Variants in CRAMP1 observed in about 807,000 individuals in gnomAD.
CRAMP1 encodes the protein cramped chromatin regulator 1.
A neutral mutation model predicts 115.4 loss-of-function variants in CRAMP1; 50 were observed. The ratio of observed to expected loss-of-function variants is 0.43; its 90% CI spans 0.35 to 0.55. The LOEUF is 0.55. CRAMP1 is among the 20% of genes least tolerant of loss of function. CRAMP1 has a pLI of 0.01. For missense variants in CRAMP1, 1,679 were observed against 1,721.7 expected (o/e 0.98, Z 0.44); for synonymous variants, 866 against 745.4 (o/e 1.16, Z -2.64).
In CRAMP1 at chr16:1,668,118, G is replaced by A. The variant is rs1188362873; in HGVS notation, c.3259G>A (p.Ala1087Thr). The A allele has an allele frequency of 4.3e-6, 7 of 1,613,538 alleles. No homozygotes were observed. The highest frequency in any genetic ancestry group is 5.1e-6 in the Non-Finnish European group (6 of 1,179,898). The change falls in exon 18 of 21, where the codon GCG becomes ACG. Residue 1087 changes from alanine (A) to threonine (T), a missense_variant. By Grantham distance (58) the Ala-to-Thr change is moderately conservative (BLOSUM62 0). Transcript: ENST00000397412. Reference sequence around the variant, plus strand: ...CTCCCTGCCCGGCCCACCTGAGGATGCGCTGTCACAGGGCGAGCCTGCCAC... The same window carrying A: ...CTCCCTGCCCGGCCCACCTGAGGATACGCTGTCACAGGGCGAGCCTGCCAC... ...DISLPGPPED[A>T]LSQGEPATHI...
intron 13 of CRAMP1, among the ~76,000 whole-genome samples, chr16:1,663,242 C>T (rs572397113): frequency 6.6e-6 from 1 of 152,188 alleles, no homozygotes; most frequent in South Asian, 2.1e-4. Context: ...GCCTGGGGGA[C>T]AGCCAGGGAC....
intron 2 of CRAMP1, among the ~76,000 whole-genome samples, chr16:1,618,388 C>G (rs925976326): frequency 1.6e-4 from 25 of 152,164 alleles, no homozygotes; most frequent in African/African-American, 5.6e-4. Flanking sequence ...TTCAAGATTA[C>G]AGGACTGCAG....
intron 19 of CRAMP1, 139 bp from the exon 20 acceptor site, chr16:1,670,525 G>A: frequency 1.2e-6 from 1 of 843,516 alleles, no homozygotes; most frequent in Non-Finnish European, 1.9e-6. Flanking sequence ...TCCCTCGGAA[G>A]CTCTTCGCAC....
intron 2 of CRAMP1, among the ~76,000 whole-genome samples, chr16:1,621,510 G>T (rs1478121569): frequency 1.3e-5 from 2 of 152,222 alleles, no homozygotes; most frequent in Non-Finnish European, 2.9e-5. Flanking sequence ...CTGTGGCGCT[G>T]ACACGGGCTA....
intron 2 of CRAMP1, among the ~76,000 whole-genome samples, chr16:1,618,573 G>A (rs796278590): frequency 7.2e-5 from 11 of 152,312 alleles, no homozygotes; most frequent in African/African-American, 2.6e-4. Context: ...TTCCATCAAG[G>A]ATGGGGAAAT....
At position 1,652,568 on chromosome 16, in the gene CRAMP1, G is replaced by T. The variant is rs370501732; in HGVS notation, c.900G>T (p.Leu300=). 46 of 1,552,664 alleles carry T rather than the reference G, an allele frequency of 3.0e-5. No homozygotes were observed. The highest frequency in any genetic ancestry group is 3.7e-5 in the Non-Finnish European group (43 of 1,147,514). Residue 300 remains leucine (L), a synonymous_variant, in exon 7 of 21, where the codon CTG becomes CTT. Transcript: ENST00000397412. The stretch of plus-strand genomic sequence containing the variant: ...CCATGTGCCGGGCCCTGAAGAAGCT[G>T]TGCGATCCAGATGGTAAGTGAATGG... ...KAPMCRALKK[L]CDPDGLSDEE...
rs747693903 is a variant in CRAMP1, at chr16:1,668,128, A to G, written c.3269A>G (p.Gln1090Arg). The change falls in exon 18 of 21, where the codon CAG (glutamine) becomes CGG (arginine). Residue 1090 changes from glutamine to arginine, a missense_variant. Physicochemically the swap from Gln to Arg is conservative, Grantham distance 43. Around this residue, in one of 8 missense-constraint regions of CRAMP1, gnomAD observed 709 missense variants for 741.9 expected, o/e 0.96. Coordinates refer to ENST00000397412, the MANE Select transcript of CRAMP1 (RefSeq NM_020825.4). ...GGCCCACCTGAGGATGCGCTGTCAC[A>G]GGGCGAGCCTGCCACACACATTAGC... ...LPGPPEDALSQGEPATHISDS... is the reference protein window; with the variant it reads ...LPGPPEDALSRGEPATHISDS... 16 of 1,612,752 alleles carry G rather than the reference A, an allele frequency of 9.9e-6. No homozygotes were observed. Among genetic ancestry groups the G allele is most frequent in the African/African-American group, 1.3e-5 (1 of 74,858 alleles).
intron 3 of CRAMP1, among the ~76,000 whole-genome samples, chr16:1,630,691 A>G (rs2036542385): frequency 6.6e-6 from 1 of 152,168 alleles, no homozygotes; most frequent in Non-Finnish European, 1.5e-5. Context: ...AGTCTCTTGT[A>G]ACCTGGGACA....
intron 5 of CRAMP1, among the ~76,000 whole-genome samples, chr16:1,638,583 C>A (rs577067285): frequency 6.6e-6 from 1 of 152,214 alleles, no homozygotes; most frequent in Non-Finnish European, 1.5e-5. Flanking sequence ...ACTTACCAGG[C>A]GCTTGTGCCC....
chr16:1,658,683 T>A (rs1441564098), intron 10 of CRAMP1, among the ~76,000 whole-genome samples: 1 of 152,112 alleles, frequency 6.6e-6, no homozygotes, highest in African/African-American at 2.4e-5. Flanking sequence ...GATCAGGAGA[T>A]GCCGGAGGCT....
intron 3 of CRAMP1, among the ~76,000 whole-genome samples, chr16:1,629,192 C>T (rs999078308): frequency 6.6e-6 from 1 of 152,214 alleles, no homozygotes; most frequent in Non-Finnish European, 1.5e-5. Context: ...GCTTCCTTCT[C>T]CCTCTCTGCA....
Position 1,677,344 on chromosome 16 carries a change from G to A in CRAMP1, c.*3299G>A, listed in dbSNP as rs1320490091. The stretch of plus-strand genomic sequence containing the variant: ...ATAATCCCAGCTACTGAGGAGACTT[G>A]AGGTAGGAGAATCACTTGAACCTCA... On this transcript the variant is annotated 3_prime_UTR_variant, in exon 21 of 21. Coordinates refer to ENST00000397412, the MANE Select transcript of CRAMP1 (RefSeq NM_020825.4). The A allele has an allele frequency of 2.0e-5, 3 of 152,298 alleles. No homozygotes were observed. Among genetic ancestry groups the A allele is most frequent in the Non-Finnish European group, 4.4e-5 (3 of 68,076 alleles). The allele number at this position is 152,298 out of a possible 1,614,324, so 9.4% of individuals were successfully genotyped here.
intron 6 of CRAMP1, among the ~76,000 whole-genome samples, chr16:1,650,836 C>T (rs1313931005): frequency 6.6e-6 from 1 of 152,228 alleles, no homozygotes; most frequent in African/African-American, 2.4e-5. Context: ...AAACAAGATA[C>T]ACATGCCCTG....
chr16:1,615,517 C>T (rs2036411476), intron 2 of CRAMP1, among the ~76,000 whole-genome samples: 1 of 152,102 alleles, frequency 6.6e-6, no homozygotes, highest in Non-Finnish European at 1.5e-5. Flanking sequence ...AGAGATGGGG[C>T]CCTTTGAGTT....
chr16:1,650,142 G>C (rs2036710917), intron 6 of CRAMP1, among the ~76,000 whole-genome samples: 1 of 152,170 alleles, frequency 6.6e-6, no homozygotes, highest in African/African-American at 2.4e-5. Flanking sequence ...TGGGGTGATG[G>C]TAAAATCTTT....
intron 8 of CRAMP1, 23 bp downstream of exon 8, chr16:1,653,179 G>A: frequency 6.2e-7 from 1 of 1,601,082 alleles, no homozygotes. Context: ...TTGGCACGCA[G>A]AGGGGTCCCA....
chr16:1,632,928 T>A (rs1247855043), intron 4 of CRAMP1, among the ~76,000 whole-genome samples: 1 of 152,216 alleles, frequency 6.6e-6, no homozygotes, highest in Non-Finnish European at 1.5e-5. Flanking sequence ...TCCATCACCA[T>A]CTCTGTCCTT....
intron 4 of CRAMP1, among the ~76,000 whole-genome samples, chr16:1,636,828 T>A (rs910683970): frequency 6.6e-6 from 1 of 152,238 alleles, no homozygotes; most frequent in Non-Finnish European, 1.5e-5. Context: ...TGTGCTTGGC[T>A]GTCCTTGGTG....
chr16:1,624,162 T>A (rs2036488392), intron 2 of CRAMP1, among the ~76,000 whole-genome samples: 1 of 152,060 alleles, frequency 6.6e-6, no homozygotes, highest in Middle Eastern at 3.4e-3. Flanking sequence ...TTAAGTTCTT[T>A]TTTTTTTTAA....
Sources: allele counts gnomAD v4.1 joint callset (sites outside exome capture counted in the v4.1 genomes callset), GRCh38; gene constraint gnomAD v4.1.1; regional missense constraint gnomAD v4.1.1; transcripts MANE v1.5; gene names NCBI Gene and HGNC (gene_info 2026-07-23, HGNC 2026-07-21).